The following EPHA3 variants were observed in gnomAD, a reference collection of about 807,000 sequenced individuals.
EPHA3 encodes ephrin type-A receptor 3.
A neutral mutation model predicts 107.1 loss-of-function variants in EPHA3; 42 were observed. The observed-to-expected ratio is 0.39, with a 90% CI of 0.31 to 0.51. EPHA3 has a LOEUF of 0.51. EPHA3 is among the 20% of genes least tolerant of loss of function. The probability of loss-of-function intolerance (pLI) is 0.78; values close to 1 mark genes in which losing one functional copy is unlikely to be tolerated. For missense variants in EPHA3, 1,183 were observed against 1,211.2 expected (o/e 0.98, Z 0.35); for synonymous variants, 461 against 424.8 (o/e 1.09, Z -1.05).
intron 2 of EPHA3, among the ~76,000 whole-genome samples, chr3:89,181,953 G>T (rs1043282673): frequency 6.6e-6 from 1 of 151,666 alleles, no homozygotes; most frequent in Non-Finnish European, 1.5e-5. Flanking sequence ...TCATGTAAAC[G>T]TCTTAGGCAA....
At chr3:89,323,345 G>A (rs149355517) in intron 3 of EPHA3, among the ~76,000 whole-genome samples, 19 of 152,192 alleles carry the variant, frequency 1.2e-4, no homozygotes, top group African/African-American at 4.6e-4. Context: ...ACTAAAGCGT[G>A]AGGAGGCTTT....
chr3:89,481,990 G>A lies in EPHA3; in HGVS notation c.*2488G>A, dbSNP rs759734972. ...AAATGTGATATGATTGGCAATATGT[G>A]TTTACTTTAAACTTGTCTTTTCAAA... On this transcript the variant is annotated 3_prime_UTR_variant, in exon 17 of 17. Coordinates refer to ENST00000336596, the MANE Select transcript of EPHA3 (RefSeq NM_005233.6). 11 of 224,070 alleles carry A rather than the reference G, an allele frequency of 4.9e-5. No individual in the cohort carries two copies. Among genetic ancestry groups the A allele is most frequent in the Non-Finnish European group, 8.0e-5 (9 of 112,030 alleles). The allele number at this position is 224,070 out of a possible 1,614,324, so 13.9% of individuals were successfully genotyped here.
intron 3 of EPHA3, among the ~76,000 whole-genome samples, chr3:89,336,351 T>C (rs542429592): frequency 2.3e-4 from 35 of 152,118 alleles, no homozygotes; most frequent in African/African-American, 6.7e-4. Flanking sequence ...CACACAAACA[T>C]AGATGCTCCT....
At chr3:89,216,128 G>A (rs1241581964) in intron 3 of EPHA3, among the ~76,000 whole-genome samples, 1 of 151,920 alleles carries the variant, frequency 6.6e-6, no homozygotes, top group East Asian at 1.9e-4. Context: ...CATAAATAAT[G>A]TGTCCATTAA....
intron 2 of EPHA3, among the ~76,000 whole-genome samples, chr3:89,188,766 C>T (rs1485958854): frequency 6.6e-6 from 1 of 152,176 alleles, no homozygotes; most frequent in Non-Finnish European, 1.5e-5. Flanking sequence ...TTCTTCTTCA[C>T]ATCATTCACA....
At chr3:89,112,764 A>G (rs1320484779) in intron 1 of EPHA3, among the ~76,000 whole-genome samples, 1 of 152,016 alleles carries the variant, frequency 6.6e-6, no homozygotes, top group African/African-American at 2.4e-5. Flanking sequence ...TTTACTAAAA[A>G]AAATCTGTGA....
intron 5 of EPHA3, among the ~76,000 whole-genome samples, chr3:89,381,218 T>C (rs1055778279): frequency 8.4e-4 from 128 of 151,986 alleles, no homozygotes; most frequent in African/African-American, 3.0e-3. Context: ...GTGATCCGCC[T>C]GCCTCGGCCT....
chr3:89,412,658 A>G (rs1246023692), intron 9 of EPHA3, among the ~76,000 whole-genome samples: 1 of 151,774 alleles, frequency 6.6e-6, no homozygotes, highest in Non-Finnish European at 1.5e-5. Flanking sequence ...GCCATTATAT[A>G]TCATTTAATT....
chr3:89,265,907 T>C (rs1274693463), intron 3 of EPHA3, among the ~76,000 whole-genome samples: 5 of 152,194 alleles, frequency 3.3e-5, no homozygotes, highest in Non-Finnish European at 7.4e-5. Context: ...CTGTAAGATA[T>C]ACACAAGGTA....
chr3:89,352,156 G>A (rs1313362980), intron 5 of EPHA3, among the ~76,000 whole-genome samples: 2 of 151,146 alleles, frequency 1.3e-5, no homozygotes, highest in African/African-American at 4.8e-5. Flanking sequence ...TATAATGAAG[G>A]AATTCCTATC....
At chr3:89,295,670 C>CCT (rs1706331565) in intron 3 of EPHA3, among the ~76,000 whole-genome samples, 1 of 152,120 alleles carries the variant, frequency 6.6e-6, no homozygotes, top group Non-Finnish European at 1.5e-5. Flanking sequence ...CAGCTCGCTG[C>CCT]AACCTCTGCC....
At chr3:89,110,411 CT>C (rs1244886988) in intron 1 of EPHA3, among the ~76,000 whole-genome samples, 1 of 151,824 alleles carries the variant, frequency 6.6e-6, no homozygotes, top group African/African-American at 2.4e-5. Context: ...CCATGGGTCC[CT>C]GATAAGAAAA....
intron 3 of EPHA3, among the ~76,000 whole-genome samples, chr3:89,278,580 C>T (rs1264130345): frequency 6.6e-6 from 1 of 152,038 alleles, no homozygotes; most frequent in African/African-American, 2.4e-5. Context: ...ATCTTGTGGA[C>T]TTCATGCGCA....
At chr3:89,164,644 G>A (rs1705023580) in intron 2 of EPHA3, among the ~76,000 whole-genome samples, 1 of 152,054 alleles carries the variant, frequency 6.6e-6, no homozygotes, top group South Asian at 2.1e-4. Flanking sequence ...ATGCCTTCAT[G>A]ATCCTTTTCT....
chr3:89,172,184 A>G (rs1705226783), intron 2 of EPHA3, among the ~76,000 whole-genome samples: 1 of 152,000 alleles, frequency 6.6e-6, no homozygotes, highest in South Asian at 2.1e-4. Flanking sequence ...TTTTTCTTTT[A>G]TGCGTGTTGT....
rs557934859 is a variant in EPHA3 at position 89,229,141 on chromosome 3, A to T, written c.814+18621A>T. 5.3e-5 allele frequency among the ~76,000 whole-genome samples: 8 copies of T among 152,096 alleles called. No individual in the cohort carries two copies. The East Asian group carries it at 1.5e-3, about 29-fold the overall frequency. Reference sequence around the variant, plus strand: ...AAGTGCTAAACAAAAGGAAATTTTAAAATGTGTTAAGAGTGTGAATGAATG... The same window carrying T: ...AAGTGCTAAACAAAAGGAAATTTTATAATGTGTTAAGAGTGTGAATGAATG... On this transcript the variant is annotated intron_variant, in intron 3 of 16. Transcript: ENST00000336596.
At chr3:89,136,306 A>G (rs1704307555) in intron 2 of EPHA3, among the ~76,000 whole-genome samples, 1 of 141,822 alleles carries the variant, frequency 7.1e-6, no homozygotes, top group Non-Finnish European at 1.5e-5. Context: ...ATTAAATTAG[A>G]AAAACATGGC....
At chr3:89,421,856 T>C (rs1386760871) in intron 11 of EPHA3, among the ~76,000 whole-genome samples, 3 of 151,062 alleles carry the variant, frequency 2.0e-5, no homozygotes, top group Non-Finnish European at 4.4e-5. Context: ...TGTAGAAAAA[T>C]GCACTAAAAT....
intron 5 of EPHA3, among the ~76,000 whole-genome samples, chr3:89,357,425 A>T (rs764951523): frequency 6.6e-6 from 1 of 151,058 alleles, no homozygotes; most frequent in Non-Finnish European, 1.5e-5. Context: ...CCCAAAATTA[A>T]TTGTGCATAC....
Sources: allele counts gnomAD v4.1 joint callset (sites outside exome capture counted in the v4.1 genomes callset), GRCh38; gene constraint gnomAD v4.1.1; transcripts MANE v1.5; gene names NCBI Gene and HGNC (gene_info 2026-07-23, HGNC 2026-07-21).